Variants in DCAF8L2 observed in about 807,000 individuals in gnomAD.
DCAF8L2 encodes the protein DDB1 and CUL4 associated factor 8 like 2, also known as DDB1- and CUL4-associated factor 8-like protein 2.
For missense variants in DCAF8L2, 430 were observed against 490.7 expected (o/e 0.88, Z 1.17); for synonymous variants, 200 against 190.9 (o/e 1.05, Z -0.39).
the DCAF8L2 span, among the ~76,000 whole-genome samples, chrX:27,499,641 G>A: frequency 9.0e-6 from 1 of 111,320 alleles, no homozygotes; most frequent in Non-Finnish European, 1.9e-5. Flanking sequence ...GGGGAAGCAA[G>A]CGCCTTCTTC....
the DCAF8L2 span, among the ~76,000 whole-genome samples, chrX:27,514,676 A>AC: frequency 2.8e-5 from 2 of 71,004 alleles, no homozygotes; most frequent in Non-Finnish European, 5.0e-5. Flanking sequence ...CTCAAAAAAA[A>AC]AAAAAAAAAA....
upstream of DCAF8L2, among the ~76,000 whole-genome samples, chrX:27,587,285 T>C (rs970970044): frequency 7.2e-5 from 8 of 111,682 alleles, no homozygotes; most frequent in African/African-American, 2.6e-4. Flanking sequence ...TCCTTTTTAC[T>C]GTGTTTATTG....
chrX:27,497,841 A>G, the DCAF8L2 span, among the ~76,000 whole-genome samples: 3 of 112,022 alleles, frequency 2.7e-5, no homozygotes, highest in Non-Finnish European at 5.6e-5. Flanking sequence ...TGCTGGGATT[A>G]CAGGCGTGAG....
intron 2 of DCAF8L2, among the ~76,000 whole-genome samples, chrX:27,654,943 T>C (rs1325673032): frequency 4.5e-5 from 5 of 111,250 alleles, no homozygotes; most frequent in Non-Finnish European, 9.4e-5. Context: ...TAATTATTGA[T>C]GAATACGAGA....
the DCAF8L2 span, among the ~76,000 whole-genome samples, chrX:27,505,329 C>T: frequency 9.0e-6 from 1 of 111,323 alleles, no homozygotes; most frequent in African/African-American, 3.3e-5. Flanking sequence ...AAATACTTGG[C>T]GTTGATATGT....
intron 1 of DCAF8L2, among the ~76,000 whole-genome samples, chrX:27,615,195 A>G (rs1277511119): frequency 9.0e-6 from 1 of 111,664 alleles, no homozygotes; most frequent in East Asian, 2.8e-4. Context: ...TGGACATGAG[A>G]GGCCAAACAG....
chrX:27,594,706 T>C (rs985797948), intron 1 of DCAF8L2, among the ~76,000 whole-genome samples: 3 of 111,630 alleles, frequency 2.7e-5, no homozygotes, highest in African/African-American at 9.7e-5. Context: ...TTGTCTTGCT[T>C]ATAAAACCTA....
At chrX:27,545,075 G>A in the DCAF8L2 span, among the ~76,000 whole-genome samples, 1 of 111,691 alleles carries the variant, frequency 9.0e-6, no homozygotes, top group Admixed American at 9.6e-5. Context: ...GGATAGCTGG[G>A]ATGAAGAAGC....
At chrX:27,650,477 C>G (rs1384345711) in intron 2 of DCAF8L2, among the ~76,000 whole-genome samples, 1 of 112,000 alleles carries the variant, frequency 8.9e-6, no homozygotes, top group Non-Finnish European at 1.9e-5. Context: ...CTAATTTTAG[C>G]AGTGTTTTGC....
the DCAF8L2 span, among the ~76,000 whole-genome samples, chrX:27,565,032 T>TA: frequency 1.8e-5 from 2 of 109,296 alleles, no homozygotes; most frequent in Non-Finnish European, 3.8e-5. Flanking sequence ...AATGTGTTGT[T>TA]AAAACTATAG....
At chrX:27,602,842 G>A (rs1259458547) in intron 1 of DCAF8L2, among the ~76,000 whole-genome samples, 1 of 111,547 alleles carries the variant, frequency 9.0e-6, no homozygotes, top group Non-Finnish European at 1.9e-5. Flanking sequence ...AAAAACATGA[G>A]TATAAGGAAA....
At chrX:27,603,437 T>C (rs1926739696) in intron 1 of DCAF8L2, among the ~76,000 whole-genome samples, 1 of 111,766 alleles carries the variant, frequency 8.9e-6, no homozygotes, top group Non-Finnish European at 1.9e-5. Flanking sequence ...CTTATTCACC[T>C]TTATTCTCCA....
intron 3 of DCAF8L2, among the ~76,000 whole-genome samples, chrX:27,700,015 A>ACAC (rs773161248): frequency 9.0e-6 from 1 of 111,030 alleles, no homozygotes; most frequent in Non-Finnish European, 1.9e-5. Flanking sequence ...AGCCTGGGTG[A>ACAC]CAGACTGTCC....
At chrX:27,642,847 G>A (rs955240930) in intron 2 of DCAF8L2, among the ~76,000 whole-genome samples, 1 of 111,896 alleles carries the variant, frequency 8.9e-6, no homozygotes, top group Admixed American at 9.5e-5. Flanking sequence ...CTCAATAATA[G>A]TGATGTACAA....
At chrX:27,677,453 A>C (rs1286784915) in intron 2 of DCAF8L2, among the ~76,000 whole-genome samples, 24 of 112,129 alleles carry the variant, frequency 2.1e-4, no homozygotes, top group Admixed American at 9.6e-5. Flanking sequence ...ACCTGATCTT[A>C]GAAGTAAAGG....
intron 4 of DCAF8L2, among the ~76,000 whole-genome samples, chrX:27,721,039 T>TC (rs1317137250): frequency 1.8e-5 from 2 of 111,945 alleles, no homozygotes; most frequent in African/African-American, 6.5e-5. Context: ...ATTGTAAGCT[T>TC]GAAAAGTGTG....
chrX:27,716,631 T>C (rs2147291006), intron 4 of DCAF8L2, among the ~76,000 whole-genome samples: 1 of 112,590 alleles, frequency 8.9e-6, no homozygotes, highest in African/African-American at 3.2e-5. Context: ...AAATGTGTCA[T>C]TCAATTTTAA....
the DCAF8L2 span, among the ~76,000 whole-genome samples, chrX:27,507,638 C>T: frequency 1.8e-5 from 2 of 111,539 alleles, no homozygotes; most frequent in Non-Finnish European, 3.8e-5. Flanking sequence ...GCTAATAATT[C>T]TTCTAAATAT....
intron 1 of DCAF8L2, among the ~76,000 whole-genome samples, chrX:27,626,632 T>G (rs1030535265): frequency 2.7e-5 from 3 of 112,305 alleles, no homozygotes; most frequent in African/African-American, 9.7e-5. Flanking sequence ...ATTAATTTGA[T>G]ATGTAATATT....
Sources: gnomAD v4.1 joint callset for allele counts (sites outside exome capture counted in the v4.1 genomes callset) on GRCh38, gnomAD v4.1.1 for gene constraint, MANE v1.5 for transcripts, NCBI Gene and HGNC (gene_info 2026-07-23, HGNC 2026-07-21) for gene names.